Variants in MTAP observed in about 807,000 individuals in gnomAD.
MTAP encodes the protein S-methyl-5'-thioadenosine phosphorylase.
In MTAP, 33 loss-of-function variants were observed where a neutral mutation model predicts 33.6. The observed-to-expected ratio is 0.98, with a 90% CI of 0.74 to 1.31. The LOEUF (loss-of-function observed/expected upper bound fraction) is 1.31, where lower values mean the gene tolerates loss of function less well. Ranked by LOEUF, MTAP falls within the 40% of genes most tolerant of loss-of-function variation. The pLI is 0.00. For missense variants in MTAP, 367 were observed against 360.0 expected, an observed-to-expected ratio of 1.02 and a Z score of -0.16; for synonymous variants, 148 against 125.7, an observed-to-expected ratio of 1.18 and a Z score of -1.19.
rs760576549 is a variant in MTAP, at chr9:21,854,787, G to C, written c.607G>C (p.Val203Leu). Residue 203 changes from valine (V) to leucine (L), a missense_variant, in exon 6 of 8, where the codon GTT becomes CTT. Coordinates refer to ENST00000644715, the MANE Select transcript of MTAP (RefSeq NM_002451.4). ...VINMTTVPEVVLAKEAGICYA... is the reference protein window; with the variant it reads ...VINMTTVPEVLLAKEAGICYA... ...CAACATGACCACAGTTCCAGAGGTG[G>C]TTCTTGCTAAGGAGGCTGGAATTTG... is the stretch of plus-strand genomic sequence containing the variant. 6.2e-7 allele frequency: 1 copy of C among 1,614,190 alleles called. No individual in the cohort carries two copies. Among genetic ancestry groups the C allele is most frequent in the Admixed American group, 1.7e-5 (1 of 60,016 alleles).
At chr9:21,940,724 TG>T, downstream of MTAP, among the ~76,000 whole-genome samples, 1 of 152,280 alleles carries the variant, frequency 6.6e-6, no homozygotes, top group South Asian at 2.1e-4. Flanking sequence ...GGGCAAGGTA[TG>T]GGGGCTCTTT....
chr9:21,859,159 C>T (rs1293465815), intron 6 of MTAP, 144 bp from the exon 7 acceptor site: 40 of 1,221,114 alleles, frequency 3.3e-5, no homozygotes, highest in Non-Finnish European at 4.4e-5. Flanking sequence ...TCCAAATACC[C>T]TACATTGAGG....
At chr9:21,924,620 T>C (rs767706762) in intron 1 of MTAP, among the ~76,000 whole-genome samples, 1 of 152,208 alleles carries the variant, frequency 6.6e-6, no homozygotes, top group Non-Finnish European at 1.5e-5. Flanking sequence ...GGGAGACCCC[T>C]CATTGGGTTT....
chr9:21,838,083 T>C (rs1825154234), intron 5 of MTAP, 73 bp downstream of exon 5: 1 of 1,292,254 alleles, frequency 7.7e-7, no homozygotes, highest in African/African-American at 1.5e-5. Flanking sequence ...ATTTGGTTAA[T>C]TGGCAGAGCG....
At chr9:21,913,274 ATTACT>A (rs1411671808) in intron 1 of MTAP, among the ~76,000 whole-genome samples, 2 of 152,204 alleles carry the variant, frequency 1.3e-5, no homozygotes, top group South Asian at 2.1e-4. Flanking sequence ...AATTGGAAAA[ATTACT>A]TTAAAGTTCA....
chr9:21,933,470 T>G (rs558506564), downstream of MTAP: 1 of 152,352 alleles, frequency 6.6e-6, no homozygotes. Context: ...GCCATTAAGA[T>G]CTACATTTTC....
intron 5 of MTAP, among the ~76,000 whole-genome samples, chr9:21,848,245 C>T (rs1007305346): frequency 1.3e-5 from 2 of 152,142 alleles, no homozygotes; most frequent in Admixed American, 6.5e-5. Flanking sequence ...GAAGTTCCAG[C>T]AGGCCCCTAG....
intron 4 of MTAP, among the ~76,000 whole-genome samples, chr9:21,828,931 T>A (rs1005267856): frequency 6.6e-6 from 1 of 152,216 alleles, no homozygotes; most frequent in African/African-American, 2.4e-5. Context: ...GGGTTCCAGT[T>A]AACCAGGCTT....
chr9:21,852,501 C>T (rs1286201778), intron 5 of MTAP, among the ~76,000 whole-genome samples: 1 of 126,698 alleles, frequency 7.9e-6, no homozygotes, highest in South Asian at 2.6e-4. Flanking sequence ...CAGAGTGAGA[C>T]TCCATCTCAA....
At chr9:21,874,845 C>T (rs1465204014) in intron 1 of MTAP, among the ~76,000 whole-genome samples, 1 of 152,040 alleles carries the variant, frequency 6.6e-6, no homozygotes, top group Non-Finnish European at 1.5e-5. Flanking sequence ...TATCCCTCCC[C>T]TAGCCCACAC....
At position 21,899,905 on chromosome 9, in the gene MTAP, A is replaced by C. The variant is rs189590377; in HGVS notation, c.148-31103A>C. On this transcript the variant is annotated intron_variant, in intron 1 of 1. Transcript: ENST00000577563. ...CCTACAATCATCTGATCTTTGACAA[A>C]GTTGACAAAAACAAGCAATGGGGAA... Among the ~76,000 whole-genome samples, 677 of 152,316 alleles carry C rather than the reference A, an allele frequency of 4.4e-3. 7 individuals carry two copies. Among genetic ancestry groups the C allele is most frequent in the African/African-American group, 0.015 (640 of 41,556 alleles).
chr9:21,813,790 C>G (rs1212615847), intron 1 of MTAP: 1 of 152,190 alleles, frequency 6.6e-6, no homozygotes, highest in South Asian at 2.1e-4. Flanking sequence ...TGGATGGTTT[C>G]TTAGCCTCCT....
intron 4 of MTAP, among the ~76,000 whole-genome samples, chr9:21,829,781 T>G (rs1824922038): frequency 6.6e-6 from 1 of 152,212 alleles, no homozygotes; most frequent in Non-Finnish European, 1.5e-5. Flanking sequence ...GGGACCAACC[T>G]CAGATTTAAG....
chr9:21,889,723 C>T (rs1818168755), intron 1 of MTAP, among the ~76,000 whole-genome samples: 1 of 152,126 alleles, frequency 6.6e-6, no homozygotes, highest in African/African-American at 2.4e-5. Context: ...GGAGTGTCTG[C>T]AAAGAGTCCT....
At chr9:21,826,609 TTTATTATTA>T (rs149631009) in intron 4 of MTAP, among the ~76,000 whole-genome samples, 47,392 of 140,630 alleles carry the variant, frequency 0.34, 7,939 homozygotes, top group Admixed American at 0.37. Context: ...TGGGGTTTTG[TTTATTATTA>T]TTATTATTAT....
intron 4 of MTAP, among the ~76,000 whole-genome samples, chr9:21,827,755 T>C (rs1824859033): frequency 6.6e-6 from 1 of 152,206 alleles, no homozygotes; most frequent in Non-Finnish European, 1.5e-5. Flanking sequence ...GTCATTTGAA[T>C]AGAGAGATAG....
intron 1 of MTAP, among the ~76,000 whole-genome samples, chr9:21,873,500 TG>T (rs930740611): frequency 1.3e-5 from 2 of 152,098 alleles, no homozygotes; most frequent in African/African-American, 4.8e-5. Context: ...GGAGCTCTTT[TG>T]CCCCTTCTGC....
At chr9:21,832,628 T>C (rs1260192423) in intron 4 of MTAP, among the ~76,000 whole-genome samples, 1 of 152,218 alleles carries the variant, frequency 6.6e-6, no homozygotes, top group Non-Finnish European at 1.5e-5. Context: ...TAGCTGTCCT[T>C]GAAGTGGTGT....
chr9:21,852,106 A>T (rs1311525889), intron 5 of MTAP, among the ~76,000 whole-genome samples: 3 of 152,206 alleles, frequency 2.0e-5, no homozygotes, highest in African/African-American at 7.2e-5. Flanking sequence ...ACCTGGATGG[A>T]GTTGGAGACC....
Sources: allele counts gnomAD v4.1 joint callset (sites outside exome capture counted in the v4.1 genomes callset), GRCh38; gene constraint gnomAD v4.1.1; transcripts MANE v1.5; gene names NCBI Gene and HGNC (gene_info 2026-07-23, HGNC 2026-07-21).